Variants in KIF21B observed in about 807,000 individuals in gnomAD.
KIF21B encodes the protein kinesin-like protein KIF21B.
A neutral mutation model predicts 192.9 loss-of-function variants in KIF21B; 85 were observed. The ratio of observed to expected loss-of-function variants is 0.44; its 90% CI spans 0.37 to 0.53. The LOEUF (loss-of-function observed/expected upper bound fraction) is 0.53. KIF21B is among the 20% of genes least tolerant of loss of function. The pLI is 0.00. For missense variants in KIF21B, 1,716 were observed against 2,194.8 expected (o/e 0.78, Z 4.36); for synonymous variants, 832 against 884.6 (o/e 0.94, Z 1.05).
At chr1:200,991,573 CAA>C in intron 17 of KIF21B, 82 bp downstream of exon 17, 1 of 1,411,002 alleles carries the variant, frequency 7.1e-7, no homozygotes, top group East Asian at 2.3e-5. Context: ...GTTGGAGGCC[CAA>C]AAGAGAAGGC....
chr1:201,018,824 C>G (rs1658658043), intron 1 of KIF21B, among the ~76,000 whole-genome samples: 1 of 152,212 alleles, frequency 6.6e-6, no homozygotes, highest in Non-Finnish European at 1.5e-5. Context: ...GCATTCTGCT[C>G]TAAATTAATA....
At chr1:200,991,634 G>C in intron 17 of KIF21B, 23 bp downstream of exon 17, 1 of 1,611,792 alleles carries the variant, frequency 6.2e-7, no homozygotes, top group African/African-American at 1.3e-5. Flanking sequence ...CCAGGGCCTC[G>C]CCAGCCCCTC....
At chr1:200,997,367 G>A (rs903023397) in intron 14 of KIF21B, among the ~76,000 whole-genome samples, 1 of 152,140 alleles carries the variant, frequency 6.6e-6, no homozygotes, top group African/African-American at 2.4e-5. Flanking sequence ...TGTCTGGGAC[G>A]CTCTTCCCCT....
In KIF21B at chr1:200,999,512, A is replaced by C; in HGVS notation, c.1768-46T>G. 4 of 1,596,870 alleles carry C rather than the reference A, an allele frequency of 2.5e-6. No individual in the cohort carries two copies. The highest frequency in any genetic ancestry group is 3.4e-6 in the Non-Finnish European group (4 of 1,170,960). ...GGGTGGGCCTGGCCTCAGAGAGGGG[A>C]GCCCAGAAGCAGAGGTGCATCCCGA... On this transcript the variant is annotated intron_variant, in intron 12 of 34. Coordinates refer to ENST00000461742, the MANE Select transcript of KIF21B (RefSeq NM_001252102.2). The surrounding 1 kb of genome is among the most constrained non-coding windows in gnomAD (Gnocchi z 4.7).
At chr1:200,991,299 G>C in intron 17 of KIF21B, 150 bp from the exon 18 acceptor site, 1 of 657,206 alleles carries the variant, frequency 1.5e-6, no homozygotes, top group East Asian at 2.7e-5. Flanking sequence ...AGGGGTCTCT[G>C]TTTGATGTGA....
intron 17 of KIF21B, 144 bp from the exon 18 acceptor site, chr1:200,991,293 G>A: frequency 1.5e-6 from 1 of 664,464 alleles, no homozygotes; most frequent in Admixed American, 2.8e-5. Flanking sequence ...GGGCCAAGGG[G>A]TCTCTGTTTG....
At chr1:200,994,059 G>C (rs1558011136) in intron 15 of KIF21B, among the ~76,000 whole-genome samples, 1 of 152,140 alleles carries the variant, frequency 6.6e-6, no homozygotes. Context: ...CGGGGTCAGG[G>C]GCTTAAGGCT....
At chr1:200,991,328 T>C (rs1337262660) in intron 17 of KIF21B, among the ~76,000 whole-genome samples, 179 bp from the exon 18 acceptor site, 1 of 152,222 alleles carries the variant, frequency 6.6e-6, no homozygotes, top group Non-Finnish European at 1.5e-5. Flanking sequence ...CAAAAGAGGC[T>C]GCCACCTTCT....
At position 200,998,033 on chromosome 1, in the gene KIF21B, T is replaced by C. The variant is rs1355104019; in HGVS notation, c.2077+351A>G. On this transcript the variant is annotated intron_variant, in intron 14 of 34. Coordinates refer to ENST00000461742, the MANE Select transcript of KIF21B (RefSeq NM_001252102.2). The surrounding 1 kb of genome is among the most constrained non-coding windows in gnomAD (Gnocchi z 4.3). ...GGAATGAATGGGCTGAAGAGCAGCA[T>C]AATGAAGATAGAATGTAAGAACGGT... Among the ~76,000 whole-genome samples, 1 of 152,066 alleles carries C rather than the reference T, an allele frequency of 6.6e-6. No individual in the cohort carries two copies. The highest frequency in any genetic ancestry group is 2.4e-5 in the African/African-American group (1 of 41,382).
chr1:201,011,076 C>T lies in KIF21B; in HGVS notation c.42-1588G>A, dbSNP rs142108489. ...CCCAAAGGAGGTCACCACATTTATC[C>T]AGCTGTCTCGCCCAAATTGGAATGG... On this transcript the variant is annotated intron_variant, in intron 1 of 34. Transcript: ENST00000461742. Among the ~76,000 whole-genome samples, 34 of 152,356 alleles carry T rather than the reference C, an allele frequency of 2.2e-4. No individual in the cohort carries two copies. The East Asian group carries it at 5.6e-3, about 25-fold the overall frequency.
Position 200,979,686 on chromosome 1 carries a change from T to C in KIF21B, c.4009A>G (p.Thr1337Ala). The C allele has an allele frequency of 1.3e-6, 2 of 1,550,578 alleles. No homozygotes were observed. The highest frequency in any genetic ancestry group is 1.7e-6 in the Non-Finnish European group (2 of 1,146,338). ...DRSCKMWNLVTGQEIAALKGH... is the reference protein window; with the variant it reads ...DRSCKMWNLVAGQEIAALKGH... ...TTTAGAGCTGCGATCTCCTGTCCCGTAACCAAGTTCCACATCTTGCAGCTT... is the reference window on the plus strand; with the variant it reads ...TTTAGAGCTGCGATCTCCTGTCCCGCAACCAAGTTCCACATCTTGCAGCTT... The change falls in exon 30 of 35, where the codon ACG becomes GCG. Residue 1337 changes from threonine to alanine, a missense_variant. Physicochemically the swap from Thr to Ala is moderately conservative, Grantham distance 58 (BLOSUM62 0). Transcript: ENST00000461742.
At chr1:200,986,727 C>G (rs942502935) in intron 26 of KIF21B, 117 bp downstream of exon 26, 1 of 901,606 alleles carries the variant, frequency 1.1e-6, no homozygotes, top group African/African-American at 1.7e-5. Context: ...CTCAGTCAAG[C>G]TGGCCCAGGT....
At position 200,974,730 on chromosome 1, in the gene KIF21B, T is replaced by A; in HGVS notation, c.4798A>T (p.Ile1600Phe). The A allele has an allele frequency of 1.2e-6, 2 of 1,614,196 alleles. No homozygotes were observed. The highest frequency in any genetic ancestry group is 1.7e-6 in the Non-Finnish European group (2 of 1,180,016). ...INAICTNAKH[I>F]FTASSDLTVK... ...AGCACCCACCTGGAGGCTGTGAAGA[T>A]ATGCTTGGCATTGGTGCAGATGGCA... The change falls in exon 34 of 35, where the codon ATC (isoleucine) becomes TTC (phenylalanine). Residue 1600 changes from isoleucine (I) to phenylalanine (F), a missense_variant. By Grantham distance (21) the Ile-to-Phe change is conservative (BLOSUM62 0). Around this residue, in one of 3 missense-constraint regions of KIF21B, gnomAD observed 580 missense variants for 775.5 expected, o/e 0.75. Transcript: ENST00000461742.
chr1:200,973,483 GGGGTCGA>G lies in KIF21B; in HGVS notation c.*31_*37del. ...TCCCTTCCATGGTGTCCAGGCTGCT[GGGGTCGA>G]GGGTCCGGGGGCATCCCTCTGACCT... On this transcript the variant is annotated 3_prime_UTR_variant, in exon 35 of 35. Transcript: ENST00000461742. The G allele has an allele frequency of 7.1e-7, 1 of 1,414,946 alleles. No homozygotes were observed. The highest frequency in any genetic ancestry group is 9.2e-7 in the Non-Finnish European group (1 of 1,092,146). The allele number at this position is 1,414,946 out of a possible 1,614,324, so 87.6% of individuals were successfully genotyped here. A position where few individuals can be genotyped will look rare whatever the true frequency, so the allele number is the denominator to read the frequency against.
chr1:200,993,158 C>T (rs942570705), intron 15 of KIF21B, among the ~76,000 whole-genome samples: 3 of 152,242 alleles, frequency 2.0e-5, no homozygotes, highest in Non-Finnish European at 2.9e-5. Context: ...TTAGTGCGGC[C>T]GGAGGCGACC....
Position 201,000,272 on chromosome 1 carries a change from G to C in KIF21B, c.1685+118C>G. The stretch of plus-strand genomic sequence containing the variant: ...AAGCAATACTGAGGCAGCCCCTGGG[G>C]CTGGGGGCGTGGAGGTTCCCTCCTA... On this transcript the variant is annotated intron_variant, in intron 11 of 34. Transcript: ENST00000461742. The surrounding 1 kb of genome is among the most constrained non-coding windows in gnomAD (Gnocchi z 6.0). 9.4e-7 allele frequency: 1 copy of C among 1,067,070 alleles called. No individual in the cohort carries two copies. The highest frequency in any genetic ancestry group is 1.5e-5 in the South Asian group (1 of 65,058). 66.1% of individuals were successfully genotyped at this position (1,067,070 alleles called of 1,614,324 possible). A position where few individuals can be genotyped will look rare whatever the true frequency, so the allele number is the denominator to read the frequency against.
At position 200,972,503 on chromosome 1, in the gene KIF21B, G is replaced by T. The variant is rs1244019210; in HGVS notation, c.*1018C>A. 3.3e-5 allele frequency: 5 copies of T among 152,460 alleles called. No individual in the cohort carries two copies. Among genetic ancestry groups the T allele is most frequent in the Non-Finnish European group, 7.3e-5 (5 of 68,074 alleles). 9.4% of individuals were successfully genotyped at this position (152,460 alleles called of 1,614,324 possible). On this transcript the variant is annotated 3_prime_UTR_variant, in exon 35 of 35. Transcript: ENST00000461742. ...GTGGGGTGAGCGCCCCCGCCTTCCC[G>T]GGGGCGCTGGGCACAAGACCTCGCG...
chr1:200,986,482 C>T (rs770007208), intron 26 of KIF21B, among the ~76,000 whole-genome samples: 2 of 152,006 alleles, frequency 1.3e-5, no homozygotes, highest in African/African-American at 2.4e-5. Flanking sequence ...CTCAGCCTCC[C>T]GAGTAGCTGG....
At chr1:200,985,801 C>T (rs1316320126) in intron 26 of KIF21B, among the ~76,000 whole-genome samples, 2 of 101,980 alleles carry the variant, frequency 2.0e-5, no homozygotes, top group Non-Finnish European at 2.0e-5. Flanking sequence ...CCTCCCCTCC[C>T]CTCCCCTCCC....
Sources: allele counts gnomAD v4.1 joint callset (sites outside exome capture counted in the v4.1 genomes callset), GRCh38; gene constraint gnomAD v4.1.1; regional missense constraint gnomAD v4.1.1; non-coding constraint Gnocchi (gnomAD v3.1); transcripts MANE v1.5; gene names NCBI Gene and HGNC (gene_info 2026-07-23, HGNC 2026-07-21).